DNAAF11: variants seen among roughly 807,000 people sequenced by gnomAD.
The protein encoded by DNAAF11 is leucine rich repeat containing 6.
In DNAAF11, 45 loss-of-function variants were observed where a neutral mutation model predicts 60.8. That is an observed-to-expected ratio of 0.74 (90% CI 0.58 to 0.95). The LOEUF is 0.95. DNAAF11 is among the 40% of genes least tolerant of loss of function. DNAAF11 has a pLI of 0.00. For synonymous variants in DNAAF11, 191 were observed against 183.5 expected, an observed-to-expected ratio of 1.04 and a Z score of -0.33; for missense variants, 546 against 546.2, an observed-to-expected ratio of 1.00 and a Z score of 0.00.
Position 132,614,641 on chromosome 8 carries a change from C to T in DNAAF11, c.974+397G>A, listed in dbSNP as rs141711057. Among the ~76,000 whole-genome samples the T allele has an allele frequency of 4.1e-3, 624 of 152,112 alleles. 10 individuals carry two copies. The highest frequency in any genetic ancestry group is 0.014 in the African/African-American group (588 of 41,512). On this transcript the variant is annotated intron_variant, in intron 8 of 11. Coordinates refer to ENST00000620350, the MANE Select transcript of DNAAF11 (RefSeq NM_012472.6). ...CTGGTGACAGGGGCTGCTAGGTGTT[C>T]CCCCAGGCCTCTGAGATGGGACTGA...
intron 11 of DNAAF11, 113 bp downstream of exon 11, chr8:132,583,581 A>T: frequency 2.6e-6 from 2 of 775,558 alleles, no homozygotes; most frequent in South Asian, 1.6e-5. Context: ...TCATGGTATG[A>T]ATCATCTCAG....
rs1322349859 is a variant in DNAAF11 at position 132,572,010 on chromosome 8, G to A, written c.*296C>T. 1 of 256,706 alleles carries A rather than the reference G, an allele frequency of 3.9e-6. No individual in the cohort carries two copies. The highest frequency in any genetic ancestry group is 2.2e-5 in the African/African-American group (1 of 45,140). The allele number at this position is 256,706 out of a possible 1,614,324, so 15.9% of individuals were successfully genotyped here. ...CCTTTTATCTATGAATTAATACTTT[G>A]CATAAGTAGACAGTATTTATAATCA... On this transcript the variant is annotated 3_prime_UTR_variant, in exon 12 of 12. Transcript: ENST00000620350.
the DNAAF11 span, among the ~76,000 whole-genome samples, chr8:132,681,413 C>G: frequency 4.7e-5 from 7 of 149,956 alleles, no homozygotes; most frequent in African/African-American, 1.7e-4. Flanking sequence ...TAAAGAAATT[C>G]AGTCTGCTTT....
upstream of DNAAF11, among the ~76,000 whole-genome samples, chr8:132,676,240 C>A (rs569466880): frequency 2.8e-4 from 42 of 152,234 alleles, no homozygotes; most frequent in Non-Finnish European, 5.1e-4. Context: ...CAGCCCCACA[C>A]TCCCCTCACG....
At chr8:132,583,169 G>A (rs1815511279) in intron 11 of DNAAF11, among the ~76,000 whole-genome samples, 1 of 152,128 alleles carries the variant, frequency 6.6e-6, no homozygotes, top group South Asian at 2.1e-4. Flanking sequence ...TCAGGAGATT[G>A]ACAGGAGGGG....
At chr8:132,611,433 T>C in intron 8 of DNAAF11, 70 bp from the exon 9 acceptor site, 2 of 880,612 alleles carry the variant, frequency 2.3e-6, no homozygotes, top group South Asian at 1.5e-5. Context: ...CAAATATAAA[T>C]TCACACTTAC....
chr8:132,644,682 T>A (rs933517094), intron 3 of DNAAF11, among the ~76,000 whole-genome samples: 1 of 152,136 alleles, frequency 6.6e-6, no homozygotes, highest in African/African-American at 2.4e-5. Flanking sequence ...ACCAGGAGAT[T>A]ATATCCCATG....
the DNAAF11 span, among the ~76,000 whole-genome samples, chr8:132,694,245 A>G: frequency 2.6e-5 from 4 of 152,236 alleles, no homozygotes; most frequent in Admixed American, 2.0e-4. Flanking sequence ...AAGAGAAAGA[A>G]AGGAATTGTT....
intron 11 of DNAAF11, chr8:132,578,517 C>A: frequency 6.6e-7 from 1 of 1,516,542 alleles, no homozygotes; most frequent in South Asian, 1.2e-5. Flanking sequence ...AGTAGAATAG[C>A]TGGAAGACAA....
At chr8:132,634,906 T>A (rs2130491760) in intron 4 of DNAAF11, among the ~76,000 whole-genome samples, 1 of 151,966 alleles carries the variant, frequency 6.6e-6, no homozygotes, top group Non-Finnish European at 1.5e-5. Context: ...GGGAGCAAGG[T>A]GATCTTTTCT....
intron 1 of DNAAF11, among the ~76,000 whole-genome samples, chr8:132,664,359 T>C (rs1397898537): frequency 6.6e-6 from 1 of 152,242 alleles, no homozygotes; most frequent in East Asian, 1.9e-4. Flanking sequence ...TAGTCTACAC[T>C]GTGAAAGGCT....
At chr8:132,689,158 G>A in the DNAAF11 span, among the ~76,000 whole-genome samples, 3 of 152,334 alleles carry the variant, frequency 2.0e-5, no homozygotes, top group African/African-American at 7.2e-5. Flanking sequence ...TCCAACTGAT[G>A]AGTTGTAGAG....
chr8:132,584,666 C>T (rs1453215074), intron 10 of DNAAF11, among the ~76,000 whole-genome samples: 1 of 152,142 alleles, frequency 6.6e-6, no homozygotes. Context: ...TCTCTACCCT[C>T]ACCAGGTCCT....
Position 132,622,619 on chromosome 8 carries a change from A to C in DNAAF11, c.906T>G (p.Asn302Lys), listed in dbSNP as rs771913265. The C allele has an allele frequency of 2.3e-5, 37 of 1,613,332 alleles. No individual in the cohort carries two copies. The highest frequency in any genetic ancestry group is 3.0e-5 in the Non-Finnish European group (35 of 1,179,616). The change falls in exon 7 of 12, where the codon AAT becomes AAG. Residue 302 changes from asparagine (N) to lysine (K), a missense_variant. Asn to Lys is a moderately conservative substitution (Grantham distance 94). Coordinates refer to ENST00000620350, the MANE Select transcript of DNAAF11 (RefSeq NM_012472.6). ...ITEDGKALNV[N>K]EPKIDFSLKD... Reference sequence around the variant, plus strand: ...TATTTGGCCTCACATACTTGGGCTCATTCACATTTAGGGCTTTCCCATCTT... The same window carrying C: ...TATTTGGCCTCACATACTTGGGCTCCTTCACATTTAGGGCTTTCCCATCTT...
chr8:132,584,908 T>A (rs1423552691), intron 10 of DNAAF11, among the ~76,000 whole-genome samples: 1 of 152,150 alleles, frequency 6.6e-6, no homozygotes, highest in Non-Finnish European at 1.5e-5. Flanking sequence ...CGACTTACAG[T>A]ATATATTTGG....
At chr8:132,603,473 TG>T (rs1370276203) in intron 10 of DNAAF11, among the ~76,000 whole-genome samples, 2 of 151,862 alleles carry the variant, frequency 1.3e-5, no homozygotes, top group Non-Finnish European at 2.9e-5. Flanking sequence ...GATTTAAATA[TG>T]GAGGAACTGT....
intron 10 of DNAAF11, among the ~76,000 whole-genome samples, chr8:132,593,316 A>C (rs1816653275): frequency 8.5e-6 from 1 of 117,440 alleles, no homozygotes; most frequent in African/African-American, 3.5e-5. Flanking sequence ...AATAAACTTC[A>C]AAGAATATAT....
At chr8:132,698,783 T>C in the DNAAF11 span, among the ~76,000 whole-genome samples, 1 of 151,876 alleles carries the variant, frequency 6.6e-6, no homozygotes, top group Non-Finnish European at 1.5e-5. Context: ...CACAAATGAA[T>C]AAGAATGATA....
At position 132,638,025 on chromosome 8, in the gene DNAAF11, G is replaced by C. The variant is rs573319510; in HGVS notation, c.339C>G (p.Ile113Met). ...LSSIKNLQHNIHLKELFLMGN... is the reference protein window; with the variant it reads ...LSSIKNLQHNMHLKELFLMGN... ...CCATGAGAAAGAGCTCCTTCAGATG[G>C]ATATTGTGCTGCAAGTTTTTAATGC... Residue 113 changes from isoleucine (I) to methionine (M), a missense_variant, in exon 4 of 12, where the codon ATC (isoleucine) becomes ATG (methionine). Physicochemically the swap from Ile to Met is conservative, Grantham distance 10. Coordinates refer to ENST00000620350, the MANE Select transcript of DNAAF11 (RefSeq NM_012472.6). 2.5e-6 allele frequency: 4 copies of C among 1,614,066 alleles called. No homozygotes were observed. Among genetic ancestry groups the C allele is most frequent in the Admixed American group, 1.7e-5 (1 of 60,030 alleles).
Sources: gnomAD v4.1 joint callset for allele counts (sites outside exome capture counted in the v4.1 genomes callset) on GRCh38, gnomAD v4.1.1 for gene constraint, MANE v1.5 for transcripts, NCBI Gene and HGNC (gene_info 2026-07-23, HGNC 2026-07-21) for gene names.